Variants in TNKS2 observed in about 807,000 individuals in gnomAD.
TNKS2 encodes the protein poly [ADP-ribose] polymerase tankyrase-2.
A neutral mutation model predicts 137.6 loss-of-function variants in TNKS2; 72 were observed. The observed-to-expected ratio is 0.52, with a 90% CI of 0.43 to 0.64. The LOEUF (loss-of-function observed/expected upper bound fraction) is 0.64. TNKS2 is among the 30% of genes least tolerant of loss of function. The probability of loss-of-function intolerance (pLI) is 0.00; values close to 1 mark genes in which losing one functional copy is unlikely to be tolerated. For synonymous variants in TNKS2, 516 were observed against 512.1 expected (o/e 1.01, Z -0.10); for missense variants, 1,049 against 1,410.2 (o/e 0.74, Z 4.10).
In TNKS2 at chr10:91,827,846, G is replaced by A. The variant is rs374256957; in HGVS notation, c.983-439G>A. 7.9e-5 allele frequency among the ~76,000 whole-genome samples: 12 copies of A among 152,106 alleles called. No homozygotes were observed. The East Asian group carries it at 1.7e-3, about 22-fold the overall frequency. ...GGTGGCTTTTGCAAATATCCAACTT[G>A]TCTAGTTCCCAGTTCCCTGATGGTT... On this transcript the variant is annotated intron_variant, in intron 8 of 26. Transcript: ENST00000371627.
chr10:91,825,174 T>C (rs1385326807), intron 7 of TNKS2, among the ~76,000 whole-genome samples: 1 of 152,060 alleles, frequency 6.6e-6, no homozygotes, highest in Non-Finnish European at 1.5e-5. Context: ...CAATCATGGC[T>C]CATTGCAGCC....
intron 24 of TNKS2, 148 bp from the exon 25 acceptor site, chr10:91,859,314 G>C (rs1391072526): frequency 1.8e-6 from 1 of 542,050 alleles, no homozygotes; most frequent in African/African-American, 2.0e-5. Context: ...AAAATAGCTG[G>C]CTGACAGTTA....
chr10:91,855,162 A>G (rs1335156801), intron 22 of TNKS2, 36 bp downstream of exon 22: 1 of 1,267,372 alleles, frequency 7.9e-7, no homozygotes, highest in East Asian at 2.3e-5. Context: ...GGTTTGCCGT[A>G]TATATTTAGT....
intron 3 of TNKS2, among the ~76,000 whole-genome samples, chr10:91,818,512 A>T (rs1844782399): frequency 6.6e-6 from 1 of 151,664 alleles, no homozygotes; most frequent in Non-Finnish European, 1.5e-5. Context: ...TTTGTTTAGG[A>T]GTTTGCTTTT....
At chr10:91,861,753 C>T (rs1405373783) in intron 25 of TNKS2, among the ~76,000 whole-genome samples, 1 of 152,084 alleles carries the variant, frequency 6.6e-6, no homozygotes, top group African/African-American at 2.4e-5. Flanking sequence ...GAGTCTGTAT[C>T]TCTATAAGGT....
In TNKS2 at chr10:91,849,507, C is replaced by A. The variant is rs1369964226; in HGVS notation, c.2612-5C>A. The A allele has an allele frequency of 5.0e-6, 8 of 1,604,340 alleles. No individual in the cohort carries two copies. Among genetic ancestry groups the A allele is most frequent in the African/African-American group, 1.3e-5 (1 of 74,272 alleles). ...CCATTTGTTTTGGATTTTTTTATTT[C>A]CCAGTTCCAGGAGTAGATTTTAGCA... On this transcript the variant is annotated splice_region_variant and splice_polypyrimidine_tract_variant and intron_variant, in intron 19 of 26. Transcript: ENST00000371627.
chr10:91,799,036 A>G (rs1014036775), intron 1 of TNKS2, 147 bp downstream of exon 1: 3 of 1,207,810 alleles, frequency 2.5e-6, no homozygotes, highest in Non-Finnish European at 3.1e-6. Context: ...GTGGGGACTA[A>G]GGAGATTAGG....
At chr10:91,818,753 T>C (rs1844789990) in intron 3 of TNKS2, among the ~76,000 whole-genome samples, 1 of 152,130 alleles carries the variant, frequency 6.6e-6, no homozygotes, top group South Asian at 2.1e-4. Flanking sequence ...GGCTAGTCTC[T>C]AACTCTTGGG....
intron 14 of TNKS2, 91 bp downstream of exon 14, chr10:91,840,797 A>G (rs967145493): frequency 2.3e-5 from 31 of 1,326,050 alleles, no homozygotes; most frequent in Non-Finnish European, 2.8e-5. Context: ...TTATTTTTCA[A>G]GAAAGCCTGT....
intron 25 of TNKS2, among the ~76,000 whole-genome samples, chr10:91,859,950 A>G (rs1201923563): frequency 6.6e-6 from 1 of 152,214 alleles, no homozygotes; most frequent in Non-Finnish European, 1.5e-5. Context: ...GTAGCCCTTG[A>G]GTATTGTAGG....
rs773723318 is a variant in TNKS2 at position 91,842,282 on chromosome 10, A to T, written c.1950A>T (p.Leu650=). 2.5e-6 allele frequency: 4 copies of T among 1,613,902 alleles called. No individual in the cohort carries two copies. The highest frequency in any genetic ancestry group is 1.7e-5 in the Admixed American group (1 of 60,004). The change falls in exon 16 of 27, where the codon CTA becomes CTT. Residue 650 remains leucine, a synonymous_variant. Transcript: ENST00000371627. ...QDLLRGDAAL[L]DAAKKGCLAR... is the part of the protein sequence containing the mutation. ...TGCTTAGGGGAGATGCAGCTTTGCTAGATGCTGCCAAGAAGGGTTGTTTAG... is the reference window on the plus strand; with the variant it reads ...TGCTTAGGGGAGATGCAGCTTTGCTTGATGCTGCCAAGAAGGGTTGTTTAG...
At chr10:91,830,329 T>A (rs1433830460) in intron 9 of TNKS2, among the ~76,000 whole-genome samples, 2 of 152,164 alleles carry the variant, frequency 1.3e-5, no homozygotes, top group Non-Finnish European at 2.9e-5. Context: ...GTGATTCTCC[T>A]GTCTCAGCCT....
intron 23 of TNKS2, among the ~76,000 whole-genome samples, chr10:91,856,242 T>C (rs912582781): frequency 2.6e-5 from 4 of 152,220 alleles, no homozygotes; most frequent in African/African-American, 9.6e-5. Flanking sequence ...ATTATGTTTT[T>C]CTTGAACTAT....
At position 91,827,040 on chromosome 10, in the gene TNKS2, G is replaced by A. The variant is rs1279524523; in HGVS notation, c.819G>A (p.Met273Ile). The change falls in exon 8 of 27, where the codon ATG (methionine) becomes ATA (isoleucine). Residue 273 changes from methionine (M) to isoleucine (I), a missense_variant. Met to Ile is a conservative substitution (Grantham distance 10). Transcript: ENST00000371627. ...LVKHGACVNA[M>I]DLWQFTPLHE... ...AGCATGGTGCCTGTGTAAATGCAAT[G>A]GACTTGTGGCAATTCACTCCTCTTC... 2.5e-6 allele frequency: 4 copies of A among 1,589,626 alleles called. No homozygotes were observed. The highest frequency in any genetic ancestry group is 1.2e-5 in the South Asian group (1 of 86,362).
intron 21 of TNKS2, among the ~76,000 whole-genome samples, chr10:91,852,574 A>AAAATAG (rs1385596263): frequency 6.6e-6 from 1 of 152,220 alleles, no homozygotes; most frequent in East Asian, 1.9e-4. Flanking sequence ...AATAAAAATA[A>AAAATAG]AAAGGTGAAT....
At chr10:91,857,963 A>G (rs1365088373) in intron 24 of TNKS2, among the ~76,000 whole-genome samples, 1 of 152,216 alleles carries the variant, frequency 6.6e-6, no homozygotes, top group African/African-American at 2.4e-5. Context: ...TTGAACCTGT[A>G]GAGGTTTCTG....
chr10:91,840,676 A>T lies in TNKS2; in HGVS notation c.1643A>T (p.His548Leu). Residue 548 changes from histidine to leucine, a missense_variant, in exon 14 of 27, where the codon CAT (histidine) becomes CTT (leucine). By Grantham distance (99) the His-to-Leu change is moderately conservative. Transcript: ENST00000371627. The stretch of plus-strand genomic sequence containing the variant: ...TCCGTGGTGGAATATCTGCTACAGC[A>T]TGGAGCTGATGTGCATGCTAAAGAT... ...RVSVVEYLLQ[H>L]GADVHAKDKG... The T allele has an allele frequency of 1.2e-6, 2 of 1,613,960 alleles. No individual in the cohort carries two copies. Among genetic ancestry groups the T allele is most frequent in the Non-Finnish European group, 1.7e-6 (2 of 1,179,938 alleles).
chr10:91,840,546 T>C lies in TNKS2; in HGVS notation c.1528-15T>C. 6.4e-7 allele frequency: 1 copy of C among 1,555,988 alleles called. No homozygotes were observed. Among genetic ancestry groups the C allele is most frequent in the Non-Finnish European group, 8.7e-7 (1 of 1,155,044 alleles). ...TGTAGATGTAGTATCATGTATGTTG[T>C]GTTTTGTCCTTCAGAAACTGTGTAC... On this transcript the variant is annotated splice_polypyrimidine_tract_variant and intron_variant, in intron 13 of 26. Coordinates refer to ENST00000371627, the MANE Select transcript of TNKS2 (RefSeq NM_025235.4).
chr10:91,829,376 A>G (rs1845165210), intron 9 of TNKS2, among the ~76,000 whole-genome samples: 1 of 152,190 alleles, frequency 6.6e-6, no homozygotes, highest in East Asian at 1.9e-4. Context: ...AGAAACATGG[A>G]AAGACTGACA....
Sources: allele counts gnomAD v4.1 joint callset (sites outside exome capture counted in the v4.1 genomes callset), GRCh38; gene constraint gnomAD v4.1.1; transcripts MANE v1.5; gene names NCBI Gene and HGNC (gene_info 2026-07-23, HGNC 2026-07-21).